PARP4: variants seen among roughly 807,000 people sequenced by gnomAD.
PARP4 encodes protein mono-ADP-ribosyltransferase PARP4.
Under a neutral mutation model 187.7 loss-of-function variants are expected in PARP4, and 120 were observed. The ratio of observed to expected loss-of-function variants is 0.64; its 90% CI spans 0.55 to 0.74. PARP4 has a LOEUF of 0.74. Ranked by LOEUF, PARP4 falls within the 30% of genes least tolerant of loss-of-function variation. PARP4 has a pLI of 0.00. For missense variants in PARP4, 1,836 were observed against 2,070.5 expected, an observed-to-expected ratio of 0.89 and a Z score of 2.20; for synonymous variants, 654 against 740.9, an observed-to-expected ratio of 0.88 and a Z score of 1.90.
At chr13:24,474,525 T>G (rs1872884429) in intron 15 of PARP4, among the ~76,000 whole-genome samples, 2 of 151,042 alleles carry the variant, frequency 1.3e-5, no homozygotes, top group Admixed American at 6.6e-5. Flanking sequence ...CTTGCCTTGA[T>G]TCAGACCTTC....
intron 17 of PARP4, among the ~76,000 whole-genome samples, chr13:24,465,588 G>A (rs914518846): frequency 6.6e-6 from 1 of 152,158 alleles, no homozygotes; most frequent in Non-Finnish European, 1.5e-5. Flanking sequence ...CATGGACACA[G>A]GGAGGGAAAC....
intron 31 of PARP4, among the ~76,000 whole-genome samples, chr13:24,432,021 C>A (rs1449259179): frequency 1.3e-5 from 2 of 152,156 alleles, no homozygotes; most frequent in Non-Finnish European, 2.9e-5. Flanking sequence ...GCCACCATAC[C>A]CGGCCGAGAT....
chr13:24,469,112 T>C lies in PARP4; in HGVS notation c.2047-2A>G, dbSNP rs1476364053. ...CTGGGCTTCTTCCTTCTCTTTAATCTGGAAAAGATGAGTTTTAAATCATTC... is the reference window on the plus strand; with the variant it reads ...CTGGGCTTCTTCCTTCTCTTTAATCCGGAAAAGATGAGTTTTAAATCATTC... On this transcript the variant is annotated splice_acceptor_variant, in intron 16 of 33. Coordinates refer to ENST00000381989, the MANE Select transcript of PARP4 (RefSeq NM_006437.4). LOFTEE classifies it high-confidence loss of function. 6.3e-6 allele frequency: 10 copies of C among 1,598,360 alleles called. No individual in the cohort carries two copies. The highest frequency in any genetic ancestry group is 8.6e-6 in the Non-Finnish European group (10 of 1,165,666).
chr13:24,460,036 A>C lies in PARP4; in HGVS notation c.2234T>G (p.Val745Gly), dbSNP rs1378607185. The change falls in exon 18 of 34, where the codon GTC becomes GGC. Residue 745 changes from valine (V) to glycine (G), a missense_variant. Val to Gly is a moderately radical substitution (Grantham distance 109). Transcript: ENST00000381989. ...TGCTACGGTGGCGGGCATGAAAAAG[A>C]CACCAACAGTGCCCAGGATGCTGAG... Reference protein sequence around the residue: ...TELSILGTVGVFFMPATVAPW... With the variant: ...TELSILGTVGGFFMPATVAPW... 1 of 1,614,096 alleles carries C rather than the reference A, an allele frequency of 6.2e-7. No homozygotes were observed.
At chr13:24,503,931 T>C (rs755181484) in intron 1 of PARP4, among the ~76,000 whole-genome samples, 154 bp from the exon 2 acceptor site, 1 of 152,232 alleles carries the variant, frequency 6.6e-6, no homozygotes, top group African/African-American at 2.4e-5. Flanking sequence ...AATTGAATAA[T>C]ATCCTAGCTT....
chr13:24,481,012 G>A (rs554860835), intron 12 of PARP4, among the ~76,000 whole-genome samples: 47 of 152,342 alleles, frequency 3.1e-4, no homozygotes, highest in African/African-American at 1.1e-3. Context: ...AGCTTCAGAC[G>A]ACAGGCTGAC....
intron 15 of PARP4, 29 bp downstream of exon 15, chr13:24,475,443 T>G (rs377765160): frequency 5.0e-6 from 8 of 1,599,234 alleles, no homozygotes; most frequent in Non-Finnish European, 6.9e-6. Context: ...CCATGTAGTT[T>G]AAGTGTCATA....
In PARP4 at chr13:24,490,809, T is replaced by C; in HGVS notation, c.1073A>G (p.Asn358Ser). Residue 358 changes from asparagine to serine, a missense_variant, in exon 10 of 34, where the codon AAT becomes AGT. By Grantham distance (46) the Asn-to-Ser change is conservative (BLOSUM62 1). This residue lies in a region of PARP4 where 1,147 missense variants were observed against 1,214.2 expected (regional missense o/e 0.94). Transcript: ENST00000381989. The part of the protein sequence containing the change: ...DLCQLIRDMV[N>S]VCETNLSKPN... ...TTTGGACAAATTAGTTTCACAGACATTAACCATGTCTCTTATTAGCTGTAG... is the reference window on the plus strand; with the variant it reads ...TTTGGACAAATTAGTTTCACAGACACTAACCATGTCTCTTATTAGCTGTAG... The C allele has an allele frequency of 6.2e-7, 1 of 1,613,956 alleles. No individual in the cohort carries two copies. The highest frequency in any genetic ancestry group is 8.5e-7 in the Non-Finnish European group (1 of 1,179,918).
chr13:24,502,213 T>C (rs1265777921), intron 2 of PARP4, among the ~76,000 whole-genome samples: 1 of 150,042 alleles, frequency 6.7e-6, no homozygotes, highest in Admixed American at 6.6e-5. Context: ...TTTTAGAAAA[T>C]CTTGTTTTTT....
chr13:24,422,578 G>A (rs1240461656), intron 33 of PARP4, among the ~76,000 whole-genome samples: 1 of 151,802 alleles, frequency 6.6e-6, no homozygotes, highest in Non-Finnish European at 1.5e-5. Flanking sequence ...ATAGAACAAA[G>A]TTTCAAATAT....
chr13:24,480,054 C>T (rs1451246213), intron 12 of PARP4, among the ~76,000 whole-genome samples: 1 of 149,108 alleles, frequency 6.7e-6, no homozygotes, highest in African/African-American at 2.6e-5. Context: ...GGAAGAAACT[C>T]CGAACACATC....
At position 24,435,054 on chromosome 13, in the gene PARP4, G is replaced by A. The variant is rs1191669555; in HGVS notation, c.4087C>T (p.Gln1363Ter). Reference protein sequence around the residue: ...AAPPRQFDASQFSQGPVPGTC... With the variant: ...AAPPRQFDAS The stretch of plus-strand genomic sequence containing the variant: ...CCAGGCACAGGGCCTTGGCTGAATT[G>A]AGATGCATCAAACTGTCTGGGAGGA... Residue 1363 changes from glutamine to a stop codon, truncating the protein, a stop_gained, in exon 31 of 34, where the codon CAA becomes TAA. Transcript: ENST00000381989. LOFTEE classifies it high-confidence loss of function. 1.2e-6 allele frequency: 2 copies of A among 1,614,120 alleles called. No individual in the cohort carries two copies. Among genetic ancestry groups the A allele is most frequent in the Non-Finnish European group, 8.5e-7 (1 of 1,180,048 alleles).
At chr13:24,498,352 G>T in intron 5 of PARP4, 123 bp from the exon 6 acceptor site, 1 of 622,834 alleles carries the variant, frequency 1.6e-6, no homozygotes. Context: ...AGAAAATATA[G>T]AAAAGTATCA....
At chr13:24,497,842 G>A (rs1331904542) in intron 6 of PARP4, among the ~76,000 whole-genome samples, 1 of 152,224 alleles carries the variant, frequency 6.6e-6, no homozygotes, top group Non-Finnish European at 1.5e-5. Flanking sequence ...AAGACCATGT[G>A]AGGACACAGC....
At chr13:24,438,765 T>G (rs981272498) in intron 30 of PARP4, among the ~76,000 whole-genome samples, 1 of 152,076 alleles carries the variant, frequency 6.6e-6, no homozygotes, top group Non-Finnish European at 1.5e-5. Context: ...CATTTCACAA[T>G]GAAGATGTAT....
chr13:24,487,256 CAAAA>C (rs35094936), intron 10 of PARP4, among the ~76,000 whole-genome samples: 11 of 110,254 alleles, frequency 1.0e-4, no homozygotes, highest in East Asian at 5.5e-4. Context: ...AAGGCTCCGT[CAAAA>C]AAAAAAAAAA....
rs62000386 is a variant in PARP4 at position 24,435,059 on chromosome 13, G to T, written c.4082C>A (p.Ala1361Glu). The change falls in exon 31 of 34, where the codon GCA becomes GAA. Residue 1361 changes from alanine to glutamate, a missense_variant. This residue lies in a region of PARP4 where 450 missense variants were observed against 439.2 expected (regional missense o/e 1.02). Coordinates refer to ENST00000381989, the MANE Select transcript of PARP4 (RefSeq NM_006437.4). ...GSAAPPRQFD[A>E]SQFSQGPVPG... is the part of the protein sequence containing the mutation. ...CACAGGGCCTTGGCTGAATTGAGATGCATCAAACTGTCTGGGAGGAGCAGC... is the reference window on the plus strand; with the variant it reads ...CACAGGGCCTTGGCTGAATTGAGATTCATCAAACTGTCTGGGAGGAGCAGC... 17,059 of 1,614,104 alleles carry T rather than the reference G, an allele frequency of 0.011. 220 individuals are homozygous for T. The highest frequency in any genetic ancestry group is 0.064 in the African/African-American group (4,808 of 75,036).
Position 24,475,714 on chromosome 13 carries a change from T to C in PARP4, c.1790-118A>G, listed in dbSNP as rs1217030128. The C allele has an allele frequency of 1.7e-5, 17 of 986,154 alleles. No individual in the cohort carries two copies. In the South Asian group the frequency reaches 2.1e-4, roughly 12 times the overall value. 61.1% of individuals were successfully genotyped at this position (986,154 alleles called of 1,614,324 possible). A position where few individuals can be genotyped will look rare whatever the true frequency, so the allele number is the denominator to read the frequency against. On this transcript the variant is annotated intron_variant, in intron 14 of 33. Transcript: ENST00000381989. ...TTTTATTTTAGGGAAAATGGGCAAA[T>C]AGCATTTTATGATTTTCAATAGCCA...
At chr13:24,428,714 C>A (rs1310970150) in intron 32 of PARP4, among the ~76,000 whole-genome samples, 2 of 151,888 alleles carry the variant, frequency 1.3e-5, no homozygotes, top group African/African-American at 4.8e-5. Context: ...CTCAAATGAT[C>A]TGCCCCCTTT....
Sources: allele counts gnomAD v4.1 joint callset (sites outside exome capture counted in the v4.1 genomes callset), GRCh38; gene constraint gnomAD v4.1.1; regional missense constraint gnomAD v4.1.1; transcripts MANE v1.5; gene names NCBI Gene and HGNC (gene_info 2026-07-23, HGNC 2026-07-21).